Variants in CNOT3 observed in about 807,000 individuals in gnomAD.
CNOT3 encodes CCR4-associated factor 3.
In CNOT3, 2 loss-of-function variants were observed where a neutral mutation model predicts 89.4. That is an observed-to-expected ratio of 0.02 (90% CI 0.01 to 0.07). CNOT3 has a LOEUF of 0.07. Among genes scored for constraint, CNOT3 ranks in the 10% least tolerant of loss-of-function variants. The pLI is 1.00. For missense variants in CNOT3, 664 were observed against 1,010.2 expected (o/e 0.66, Z 4.65); for synonymous variants, 486 against 402.0 (o/e 1.21, Z -2.50).
At chr19:54,154,021 T>G (rs965857962) in intron 17 of CNOT3, 181 bp downstream of exon 17, 3 of 805,190 alleles carry the variant, frequency 3.7e-6, no homozygotes, top group Non-Finnish European at 6.5e-6. Flanking sequence ...CCTCTCATCC[T>G]CCACTTGGCC....
rs587767556 is a variant in CNOT3 at position 54,152,830 on chromosome 19, T to C, written c.1905-37T>C. The C allele has an allele frequency of 1.8e-5, 18 of 990,298 alleles. No homozygotes were observed. The South Asian group carries it at 2.3e-4, about 13-fold the overall frequency. 61.3% of individuals were successfully genotyped at this position (990,298 alleles called of 1,614,324 possible). ...ACCCTTTTGATCACGACAGGACTAG[T>C]AGGCAGCTGGCACTGACCTTCCTGT... On this transcript the variant is annotated intron_variant, in intron 15 of 17. Coordinates refer to ENST00000221232, the MANE Select transcript of CNOT3 (RefSeq NM_014516.4).
Position 54,149,747 on chromosome 19 carries a change from C to T in CNOT3, c.1594C>T (p.Pro532Ser). The T allele has an allele frequency of 6.2e-7, 1 of 1,608,298 alleles. No homozygotes were observed. Among genetic ancestry groups the T allele is most frequent in the Non-Finnish European group, 8.5e-7 (1 of 1,176,650 alleles). The change falls in exon 13 of 18, where the codon CCA (proline) becomes TCA (serine). Residue 532 changes from proline (P) to serine (S), a missense_variant. By Grantham distance (74) the Pro-to-Ser change is moderately conservative (BLOSUM62 -1). Coordinates refer to ENST00000221232, the MANE Select transcript of CNOT3 (RefSeq NM_014516.4). ...LNGPPQFSTA[P>S]EIKAPEPLSS... ...TGGGCCTCCACAGTTCAGCACCGCC[C>T]CAGAAATCAAGGTGGGCTCCTCGGA...
chr19:54,146,705 G>C (rs778089289), intron 10 of CNOT3, 48 bp downstream of exon 10: 1 of 1,022,520 alleles, frequency 9.8e-7, no homozygotes, highest in South Asian at 1.3e-5. Flanking sequence ...CTCCTCTGTT[G>C]CTTCCCAAAG....
rs1199282555 is a variant in CNOT3 at position 54,143,018 on chromosome 19, T to G, written c.25+15T>G. The G allele has an allele frequency of 1.5e-5, 25 of 1,614,042 alleles. No homozygotes were observed. Among genetic ancestry groups the G allele is most frequent in the Non-Finnish European group, 2.0e-5 (24 of 1,179,974 alleles). ...CAAACTCCAAGGTACTAGACTGACT[T>G]CCTGCTGCACCTGTAGCCACATGCT... On this transcript the variant is annotated intron_variant, in intron 2 of 17. Transcript: ENST00000221232.
rs147355537 is a variant in CNOT3, at chr19:54,148,668, G to C, written c.1331G>C (p.Ser444Thr). The change falls in exon 12 of 18, where the codon AGC becomes ACC. Residue 444 changes from serine (S) to threonine (T), a missense_variant. This residue lies in a region of CNOT3 where 545 missense variants were observed against 566.2 expected (regional missense o/e 0.96). Transcript: ENST00000221232. The surrounding 1 kb of genome is among the most constrained non-coding windows in gnomAD (Gnocchi z 6.3). ...ADSPAEVALSSSGGNNASSQA... is the reference protein window; with the variant it reads ...ADSPAEVALSTSGGNNASSQA... The stretch of plus-strand genomic sequence containing the variant: ...AGCCCGGCAGAGGTGGCTTTGAGCA[G>C]CAGTGGGGGCAACAATGCCAGCAGC... The C allele has an allele frequency of 1.1e-4, 181 of 1,610,730 alleles. No homozygotes were observed. Among genetic ancestry groups the C allele is most frequent in the Non-Finnish European group, 1.4e-4 (162 of 1,178,654 alleles).
In CNOT3 at chr19:54,143,083, G is replaced by A. The variant is rs776412360; in HGVS notation, c.26-36G>A. On this transcript the variant is annotated intron_variant, in intron 2 of 17. Coordinates refer to ENST00000221232, the MANE Select transcript of CNOT3 (RefSeq NM_014516.4). ...CTGCTCTTTAGATACCTGCCACCTGGGCAGGATTCTCACAGCCTTGTTCCT... is the reference window on the plus strand; with the variant it reads ...CTGCTCTTTAGATACCTGCCACCTGAGCAGGATTCTCACAGCCTTGTTCCT... 1.9e-6 allele frequency: 3 copies of A among 1,613,184 alleles called. No individual in the cohort carries two copies. In the East Asian group the frequency reaches 6.7e-5, roughly 36 times the overall value.
intron 1 of CNOT3, 41 bp from the exon 2 acceptor site, chr19:54,142,888 C>T: frequency 2.2e-6 from 3 of 1,347,358 alleles, no homozygotes; most frequent in South Asian, 2.3e-5. Context: ...TTTTACCAGC[C>T]AGGGAATACG....
chr19:54,143,577 A>G (rs45598535), intron 4 of CNOT3, 61 bp downstream of exon 4: 23,604 of 1,605,394 alleles, frequency 0.015, 213 homozygotes, highest in Non-Finnish European at 0.018. Context: ...GGGAGAGTGG[A>G]CTGCTGGGTC....
At chr19:54,152,201 G>A (rs866859345) in intron 13 of CNOT3, 25 bp from the exon 14 acceptor site, 2 of 1,612,846 alleles carry the variant, frequency 1.2e-6, no homozygotes, top group Middle Eastern at 1.7e-4. Flanking sequence ...AAGTGCTCAG[G>A]CCAGGCCTCT....
chr19:54,152,163 T>G (rs1030679043), intron 13 of CNOT3, 63 bp from the exon 14 acceptor site: 19 of 1,568,888 alleles, frequency 1.2e-5, no homozygotes, highest in Non-Finnish European at 9.6e-6. Flanking sequence ...CTGGGGCCTG[T>G]GTCAGGCTGC....
At position 54,148,599 on chromosome 19, in the gene CNOT3, C is replaced by T; in HGVS notation, c.1283-21C>T. On this transcript the variant is annotated intron_variant, in intron 11 of 17. Coordinates refer to ENST00000221232, the MANE Select transcript of CNOT3 (RefSeq NM_014516.4). This position sits in a 1 kb window ranked among gnomAD's most constrained non-coding sequence, Gnocchi z 6.3. ...GCTGGGCAGCAGGCAGCAGCCCTTT[C>T]CATTTACTCTTTGTTCCCAGGTTAC... 1 of 1,605,688 alleles carries T rather than the reference C, an allele frequency of 6.2e-7. No homozygotes were observed. Among genetic ancestry groups the T allele is most frequent in the Non-Finnish European group, 8.5e-7 (1 of 1,175,914 alleles).
At chr19:54,139,879 A>G (rs952418237) in intron 1 of CNOT3, among the ~76,000 whole-genome samples, 1 of 151,896 alleles carries the variant, frequency 6.6e-6, no homozygotes, top group African/African-American at 2.4e-5. Context: ...GGAGATGACT[A>G]CCTCTACCCC....
rs1370955170 is a variant in CNOT3, at chr19:54,148,319, A to G, written c.1066A>G (p.Lys356Glu). Residue 356 changes from lysine to glutamate, a missense_variant, in exon 11 of 18, where the codon AAG becomes GAG. Lys to Glu is a moderately conservative substitution (Grantham distance 56, BLOSUM62 1). Around this residue, in one of 8 missense-constraint regions of CNOT3, gnomAD observed 545 missense variants for 566.2 expected, o/e 0.96. Coordinates refer to ENST00000221232, the MANE Select transcript of CNOT3 (RefSeq NM_014516.4). The surrounding 1 kb of genome is among the most constrained non-coding windows in gnomAD (Gnocchi z 6.3). The part of the protein sequence containing the change: ...PAAPPSALGP[K>E]ASPAPSHNSG... The stretch of plus-strand genomic sequence containing the variant: ...AGCACCCCCAAGTGCCCTGGGCCCC[A>G]AGGCCAGTCCAGCTCCCAGCCACAA... The G allele has an allele frequency of 2.5e-6, 4 of 1,602,658 alleles. No homozygotes were observed. The highest frequency in any genetic ancestry group is 1.7e-5 in the Admixed American group (1 of 58,780).
intron 1 of CNOT3, among the ~76,000 whole-genome samples, chr19:54,140,755 G>A (rs587734114): frequency 6.6e-6 from 1 of 152,246 alleles, no homozygotes; most frequent in South Asian, 2.1e-4. Context: ...ACCTCCCTGG[G>A]TTAGCGCTCT....
At chr19:54,138,297 C>T (rs949985725) in intron 1 of CNOT3, among the ~76,000 whole-genome samples, 8 of 152,222 alleles carry the variant, frequency 5.3e-5, no homozygotes, top group Non-Finnish European at 1.2e-4. Flanking sequence ...CGTCGGGCCC[C>T]CCGGTAGGGG....
chr19:54,152,878 C>A lies in CNOT3; in HGVS notation c.1916C>A (p.Pro639His). The A allele has an allele frequency of 6.8e-7, 1 of 1,460,416 alleles. No homozygotes were observed. The highest frequency in any genetic ancestry group is 9.4e-7 in the Non-Finnish European group (1 of 1,059,420). The allele number at this position is 1,460,416 out of a possible 1,614,324, so 90.5% of individuals were successfully genotyped here. Residue 639 changes from proline to histidine, a missense_variant, in exon 16 of 18, where the codon CCC becomes CAC. By Grantham distance (77) the Pro-to-His change is moderately conservative (BLOSUM62 -2). Around this residue, in one of 8 missense-constraint regions of CNOT3, gnomAD observed 545 missense variants for 566.2 expected, o/e 0.96. Coordinates refer to ENST00000221232, the MANE Select transcript of CNOT3 (RefSeq NM_014516.4). ...TGTTGCTCTCACAGGCAGTACCTCCCCCGGAACCCCTGTCCGACGCCCCCC... is the reference window on the plus strand; with the variant it reads ...TGTTGCTCTCACAGGCAGTACCTCCACCGGAACCCCTGTCCGACGCCCCCC... ...SDSERIRQYLPRNPCPTPPYH... is the reference protein window; with the variant it reads ...SDSERIRQYLHRNPCPTPPYH...
Position 54,148,397 on chromosome 19 carries a change from G to T in CNOT3, c.1144G>T (p.Gly382Trp). The T allele has an allele frequency of 6.4e-7, 1 of 1,562,372 alleles. No individual in the cohort carries two copies. The highest frequency in any genetic ancestry group is 8.7e-7 in the Non-Finnish European group (1 of 1,152,632). The part of the protein sequence containing the change: ...AQAVAPPAPS[G>W]PSTTQPRPPS... ...GGCTGTGGCCCCACCAGCTCCCAGT[G>T]GGCCCAGCACGACCCAGCCCCGGCC... Residue 382 changes from glycine (G) to tryptophan (W), a missense_variant, in exon 11 of 18, where the codon GGG becomes TGG. Around this residue, in one of 8 missense-constraint regions of CNOT3, gnomAD observed 545 missense variants for 566.2 expected, o/e 0.96. Coordinates refer to ENST00000221232, the MANE Select transcript of CNOT3 (RefSeq NM_014516.4). This position sits in a 1 kb window ranked among gnomAD's most constrained non-coding sequence, Gnocchi z 6.3.
chr19:54,142,557 C>T, intron 1 of CNOT3: 1 of 311,512 alleles, frequency 3.2e-6, no homozygotes, highest in Non-Finnish European at 6.2e-6. Flanking sequence ...GTGTGATCTC[C>T]AGGGCTAATG....
chr19:54,139,159 A>G (rs1257683587), intron 1 of CNOT3, among the ~76,000 whole-genome samples: 1 of 152,032 alleles, frequency 6.6e-6, no homozygotes, highest in Non-Finnish European at 1.5e-5. Context: ...GCGGCCACCC[A>G]CCCCGGGGTG....
Sources: gnomAD v4.1 joint callset for allele counts (sites outside exome capture counted in the v4.1 genomes callset) on GRCh38, gnomAD v4.1.1 for gene constraint, gnomAD v4.1.1 regional missense constraint, Gnocchi (gnomAD v3.1) non-coding constraint, MANE v1.5 for transcripts, NCBI Gene and HGNC (gene_info 2026-07-23, HGNC 2026-07-21) for gene names.